Variants in HAAO observed in about 807,000 individuals in gnomAD.
The protein encoded by HAAO is 3-hydroxyanthranilate oxygenase.
In HAAO, 49 loss-of-function variants were observed where a neutral mutation model predicts 46.2. The observed-to-expected ratio is 1.06, with a 90% CI of 0.84 to 1.34. The LOEUF (loss-of-function observed/expected upper bound fraction) is 1.34. Ranked by LOEUF, HAAO falls within the 40% of genes most tolerant of loss-of-function variation. HAAO has a pLI of 0.00. For synonymous variants in HAAO, 157 were observed against 145.2 expected, an observed-to-expected ratio of 1.08 and a Z score of -0.58; for missense variants, 408 against 364.5, an observed-to-expected ratio of 1.12 and a Z score of -0.97.
In HAAO at chr2:42,773,377, C is replaced by G. The variant is rs115586027; in HGVS notation, c.351-2795G>C. Among the ~76,000 whole-genome samples, 1,387 of 152,042 alleles carry G rather than the reference C, an allele frequency of 9.1e-3. 17 individuals are homozygous for G. The highest frequency in any genetic ancestry group is 0.032 in the African/African-American group (1,337 of 41,446). On this transcript the variant is annotated intron_variant, in intron 4 of 9. Coordinates refer to ENST00000294973, the MANE Select transcript of HAAO (RefSeq NM_012205.3). Reference sequence around the variant, plus strand: ...GGGTAGAGAAACAAGCCGAGGGAGGCACTGGCCGTGATTCTAAATTCTGGG... The same window carrying G: ...GGGTAGAGAAACAAGCCGAGGGAGGGACTGGCCGTGATTCTAAATTCTGGG...
chr2:42,773,350 T>C (rs1157650699), intron 4 of HAAO, among the ~76,000 whole-genome samples: 1 of 151,884 alleles, frequency 6.6e-6, no homozygotes, highest in African/African-American at 2.4e-5. Context: ...TGGAATGAGC[T>C]GGGGTAGAGA....
At position 42,767,513 on chromosome 2, in the gene HAAO, T is replaced by G. The variant is rs1670753805; in HGVS notation, c.785A>C (p.Tyr262Ser). ...DSLLVLAGTS[Y>S]AWERTQGSVA... is the part of the protein sequence containing the mutation. The stretch of plus-strand genomic sequence containing the variant: ...AGAGCCTTGTGTTCGCTCCCAGGCA[T>G]ACCTGTGGACACACAGATGAGCAGG... Residue 262 changes from tyrosine to serine, a missense_variant and splice_region_variant, in exon 10 of 10, where the codon TAT becomes TCT. Transcript: ENST00000294973. 6.2e-7 allele frequency: 1 copy of G among 1,611,066 alleles called. No homozygotes were observed. Among genetic ancestry groups the G allele is most frequent in the Non-Finnish European group, 8.5e-7 (1 of 1,178,498 alleles).
intron 4 of HAAO, chr2:42,783,099 G>T: frequency 1.7e-6 from 1 of 577,374 alleles, no homozygotes; most frequent in Non-Finnish European, 3.1e-6. Context: ...GAGCTTCCAG[G>T]GGGTCACAGA....
At chr2:42,779,783 C>T (rs946625223) in intron 4 of HAAO, among the ~76,000 whole-genome samples, 1 of 152,074 alleles carries the variant, frequency 6.6e-6, no homozygotes, top group African/African-American at 2.4e-5. Context: ...GACAAACTTT[C>T]CAAAATCAAA....
At chr2:42,770,645 C>T in intron 4 of HAAO, 63 bp from the exon 5 acceptor site, 2 of 1,047,760 alleles carry the variant, frequency 1.9e-6, no homozygotes, top group Admixed American at 2.3e-5. Context: ...GGCAGCCCCA[C>T]TCAGGCCTGG....
intron 8 of HAAO, 25 bp from the exon 9 acceptor site, chr2:42,767,702 A>T: frequency 6.4e-7 from 1 of 1,566,360 alleles, no homozygotes; most frequent in Non-Finnish European, 8.7e-7. Context: ...CAGGAGAATC[A>T]AATGGAGACT....
At chr2:42,786,560 A>C (rs1357160790) in intron 2 of HAAO, among the ~76,000 whole-genome samples, 1 of 152,210 alleles carries the variant, frequency 6.6e-6, no homozygotes, top group Non-Finnish European at 1.5e-5. Flanking sequence ...TCCACCAGAC[A>C]GGGGCTGTTG....
intron 4 of HAAO, among the ~76,000 whole-genome samples, chr2:42,778,924 A>T (rs1367446751): frequency 1.3e-5 from 2 of 152,034 alleles, no homozygotes; most frequent in Admixed American, 1.3e-4. Flanking sequence ...GACCAGCTTG[A>T]CTAACATGGT....
chr2:42,767,935 G>A lies in HAAO; in HGVS notation c.631-7C>T, dbSNP rs1276138742. 6.2e-7 allele frequency: 1 copy of A among 1,613,142 alleles called. No homozygotes were observed. The highest frequency in any genetic ancestry group is 2.2e-5 in the East Asian group (1 of 44,870). ...CTTGCCCATAGGCGATCACCTGGTGGGAGGTGAAACAGAAACTTCTGGTGC... is the reference window on the plus strand; with the variant it reads ...CTTGCCCATAGGCGATCACCTGGTGAGAGGTGAAACAGAAACTTCTGGTGC... On this transcript the variant is annotated splice_polypyrimidine_tract_variant and splice_region_variant and intron_variant, in intron 7 of 9. Coordinates refer to ENST00000294973, the MANE Select transcript of HAAO (RefSeq NM_012205.3).
intron 3 of HAAO, 74 bp from the exon 4 acceptor site, chr2:42,783,494 G>T: frequency 1.0e-6 from 1 of 970,430 alleles, no homozygotes. Flanking sequence ...CAACATCCTG[G>T]GCATCCCCAG....
chr2:42,770,798 G>A (rs1195890926), intron 4 of HAAO, among the ~76,000 whole-genome samples: 3 of 152,034 alleles, frequency 2.0e-5, no homozygotes, highest in Non-Finnish European at 4.4e-5. Context: ...GAATTCACAC[G>A]GCTCTCTCCG....
At position 42,770,233 on chromosome 2, in the gene HAAO, G is replaced by C. The variant is rs776909901; in HGVS notation, c.441-47C>G. The C allele has an allele frequency of 3.9e-6, 6 of 1,524,484 alleles. No individual in the cohort carries two copies. The African/African-American group carries it at 6.9e-5, about 17-fold the overall frequency. 94.4% of individuals were successfully genotyped at this position (1,524,484 alleles called of 1,614,324 possible). The stretch of plus-strand genomic sequence containing the variant: ...AGCAGGAGTGGCGAGCACTCCCATC[G>C]GAGTGGCCAGCGACACACACATACA... On this transcript the variant is annotated intron_variant, in intron 5 of 9. Transcript: ENST00000294973.
intron 5 of HAAO, 143 bp downstream of exon 5, chr2:42,770,350 G>T: frequency 1.1e-6 from 1 of 876,236 alleles, no homozygotes; most frequent in Non-Finnish European, 1.8e-6. Context: ...CAGCGGGGCT[G>T]CTGCTCCCCC....
chr2:42,782,592 C>G (rs1672081906), intron 4 of HAAO, among the ~76,000 whole-genome samples: 2 of 152,180 alleles, frequency 1.3e-5, no homozygotes, highest in African/African-American at 2.4e-5. Context: ...CTTGGGCCCC[C>G]AAAATCACTA....
At chr2:42,785,486 C>T (rs922545243) in intron 2 of HAAO, among the ~76,000 whole-genome samples, 1 of 152,090 alleles carries the variant, frequency 6.6e-6, no homozygotes, top group Non-Finnish European at 1.5e-5. Flanking sequence ...CGGCCCTCTG[C>T]GTGGTGGGAT....
intron 4 of HAAO, among the ~76,000 whole-genome samples, chr2:42,772,731 A>C (rs192185063): frequency 1.3e-5 from 2 of 152,224 alleles, no homozygotes; most frequent in East Asian, 3.9e-4. Context: ...CCAGATTTTG[A>C]GAATGAATGT....
At chr2:42,781,076 C>CA (rs1006085120) in intron 4 of HAAO, among the ~76,000 whole-genome samples, 22 of 149,104 alleles carry the variant, frequency 1.5e-4, no homozygotes, top group Middle Eastern at 3.5e-3. Flanking sequence ...GACTCTGTCT[C>CA]AAAAAAAAAC....
intron 4 of HAAO, among the ~76,000 whole-genome samples, chr2:42,777,074 G>T (rs1398428031): frequency 6.6e-6 from 1 of 151,864 alleles, no homozygotes; most frequent in East Asian, 1.9e-4. Context: ...GGCCGAGGTG[G>T]GTTGATCACC....
intron 1 of HAAO, among the ~76,000 whole-genome samples, chr2:42,789,667 C>G (rs901436311): frequency 6.6e-6 from 1 of 152,222 alleles, no homozygotes; most frequent in East Asian, 1.9e-4. Flanking sequence ...ATGACTGAAC[C>G]TGAGCCAGGT....
Sources: gnomAD v4.1 joint callset for allele counts (sites outside exome capture counted in the v4.1 genomes callset) on GRCh38, gnomAD v4.1.1 for gene constraint, MANE v1.5 for transcripts, NCBI Gene and HGNC (gene_info 2026-07-23, HGNC 2026-07-21) for gene names.